The following SLC13A1 variants were observed in gnomAD, a reference collection of about 807,000 sequenced individuals.
The protein encoded by SLC13A1 is solute carrier family 13 member 1, also known as Na(+)/sulfate cotransporter.
In SLC13A1, 65 loss-of-function variants were observed where a neutral mutation model predicts 70.0. The ratio of observed to expected loss-of-function variants is 0.93; its 90% CI spans 0.76 to 1.14. SLC13A1 has a LOEUF of 1.14. Ranked by LOEUF, SLC13A1 falls within the 50% of genes most tolerant of loss-of-function variation. The pLI, the probability that SLC13A1 is intolerant of heterozygous loss-of-function variation, is 0.00. For synonymous variants in SLC13A1, 275 were observed against 250.5 expected (o/e 1.10, Z -0.92); for missense variants, 726 against 717.8 (o/e 1.01, Z -0.13).
intron 7 of SLC13A1, among the ~76,000 whole-genome samples, chr7:123,135,008 G>A (rs900494532): frequency 2.0e-5 from 3 of 152,148 alleles, no homozygotes; most frequent in Non-Finnish European, 4.4e-5. Context: ...CCATGTGAAA[G>A]TACTCTGATC....
chr7:123,149,178 C>G (rs145771981), intron 6 of SLC13A1, among the ~76,000 whole-genome samples: 1 of 152,076 alleles, frequency 6.6e-6, no homozygotes, highest in African/African-American at 2.4e-5. Flanking sequence ...TGTCAAAAAT[C>G]CCTTCTGGAG....
chr7:123,179,084 G>A (rs1290108212), intron 2 of SLC13A1, among the ~76,000 whole-genome samples: 1 of 152,072 alleles, frequency 6.6e-6, no homozygotes, highest in Non-Finnish European at 1.5e-5. Flanking sequence ...CAGATTTGAG[G>A]ATGGGAGTTG....
chr7:123,181,500 C>A (rs896824979), intron 1 of SLC13A1, among the ~76,000 whole-genome samples: 1 of 152,116 alleles, frequency 6.6e-6, no homozygotes, highest in Admixed American at 6.6e-5. Flanking sequence ...AGGATACCTG[C>A]CTTTTAAATG....
intron 10 of SLC13A1, among the ~76,000 whole-genome samples, chr7:123,127,864 T>C (rs1486834563): frequency 1.4e-5 from 2 of 141,392 alleles, no homozygotes; most frequent in African/African-American, 5.4e-5. Context: ...TTTTTTTTTT[T>C]TTGCTGGGGG....
At chr7:123,125,961 C>A (rs1585293352) in intron 10 of SLC13A1, among the ~76,000 whole-genome samples, 2 of 152,214 alleles carry the variant, frequency 1.3e-5, no homozygotes, top group Admixed American at 1.3e-4. Flanking sequence ...GGCAAATTTC[C>A]CTTTTAGATA....
chr7:123,128,984 T>C (rs764870403), intron 9 of SLC13A1, 38 bp from the exon 10 acceptor site: 2 of 1,378,430 alleles, frequency 1.5e-6, no homozygotes, highest in East Asian at 4.7e-5. Context: ...TCTTATTTTC[T>C]CAGTCGGGAC....
At chr7:123,121,424 A>C (rs1160594114) in intron 12 of SLC13A1, among the ~76,000 whole-genome samples, 1 of 152,104 alleles carries the variant, frequency 6.6e-6, no homozygotes, top group Admixed American at 6.6e-5. Flanking sequence ...GTACAAAGTC[A>C]GTTCCTCTCA....
chr7:123,169,461 G>T, intron 3 of SLC13A1, 126 bp from the exon 4 acceptor site: 5 of 827,726 alleles, frequency 6.0e-6, no homozygotes, highest in South Asian at 1.8e-5. Context: ...AACATGGAAG[G>T]TTAAGATTCT....
At chr7:123,184,763 A>G (rs1795747375) in intron 1 of SLC13A1, among the ~76,000 whole-genome samples, 1 of 151,972 alleles carries the variant, frequency 6.6e-6, no homozygotes, top group African/African-American at 2.4e-5. Flanking sequence ...GGCTATTGTG[A>G]CTAGTGCAGC....
intron 6 of SLC13A1, among the ~76,000 whole-genome samples, chr7:123,161,002 G>A (rs909440033): frequency 2.6e-5 from 4 of 151,810 alleles, no homozygotes; most frequent in African/African-American, 7.2e-5. Context: ...ATTAGTAAAA[G>A]AGCAAGAGCA....
chr7:123,113,956 C>G lies in SLC13A1; in HGVS notation c.*1562G>C, dbSNP rs1793087105. 1 of 151,652 alleles carries G rather than the reference C, an allele frequency of 6.6e-6. No individual in the cohort carries two copies. Among genetic ancestry groups the G allele is most frequent in the Non-Finnish European group, 1.5e-5 (1 of 67,926 alleles). The allele number at this position is 151,652 out of a possible 1,614,324, so 9.4% of individuals were successfully genotyped here. A position where few individuals can be genotyped will look rare whatever the true frequency, so the allele number is the denominator to read the frequency against. On this transcript the variant is annotated 3_prime_UTR_variant, in exon 15 of 15. Transcript: ENST00000194130. ...GTCAGTAACAGCTGGAAAGTGCCAA[C>G]GAAGATTAAAAATAGCAAAGGTTTG...
At position 123,148,570 on chromosome 7, in the gene SLC13A1, C is replaced by T. The variant is rs1271702241; in HGVS notation, c.661-1260G>A. 7.8e-6 allele frequency: 3 copies of T among 384,568 alleles called. No individual in the cohort carries two copies. In the Admixed American group the frequency reaches 1.1e-4, roughly 14 times the overall value. The allele number at this position is 384,568 out of a possible 1,614,324, so 23.8% of individuals were successfully genotyped here. A position where few individuals can be genotyped will look rare whatever the true frequency, so the allele number is the denominator to read the frequency against. ...ACCCTTTGTTGGTTTGATTCTTCCT[C>T]TTCCTGTGGCGAAATTCAAAGAAGA... On this transcript the variant is annotated intron_variant, in intron 6 of 14. Coordinates refer to ENST00000194130, the MANE Select transcript of SLC13A1 (RefSeq NM_022444.4).
chr7:123,129,344 GT>G (rs1793674498), intron 9 of SLC13A1, 38 bp downstream of exon 9: 2 of 752,336 alleles, frequency 2.7e-6, no homozygotes, highest in Non-Finnish European at 4.2e-6. Flanking sequence ...GTGTGTGTGT[GT>G]GTGTGTGTGT....
chr7:123,115,791 A>G (rs997588831), intron 14 of SLC13A1, 136 bp from the exon 15 acceptor site: 9 of 886,858 alleles, frequency 1.0e-5, no homozygotes, highest in Non-Finnish European at 1.5e-5. Context: ...TTTAAATTAT[A>G]CTTTAAGTTC....
At chr7:123,191,381 T>C (rs1795992299) in intron 1 of SLC13A1, among the ~76,000 whole-genome samples, 1 of 152,122 alleles carries the variant, frequency 6.6e-6, no homozygotes, top group Admixed American at 6.6e-5. Flanking sequence ...CTGACTCTGG[T>C]CCCTGAATGG....
intron 4 of SLC13A1, 151 bp from the exon 5 acceptor site, chr7:123,168,712 A>G: frequency 1.6e-6 from 1 of 615,138 alleles, no homozygotes; most frequent in Non-Finnish European, 2.8e-6. Context: ...TTTTATAAAT[A>G]CAAATATCCT....
chr7:123,117,645 T>C, intron 13 of SLC13A1, 37 bp from the exon 14 acceptor site: 1 of 1,484,202 alleles, frequency 6.7e-7, no homozygotes, highest in East Asian at 2.3e-5. Flanking sequence ...AAGTAAAATT[T>C]TGAGGGTAGA....
At chr7:123,195,194 C>T (rs150905398) in intron 1 of SLC13A1, among the ~76,000 whole-genome samples, 1 of 151,972 alleles carries the variant, frequency 6.6e-6, no homozygotes, top group Non-Finnish European at 1.5e-5. Flanking sequence ...CTGGTTTTGT[C>T]GAACTACCAC....
chr7:123,167,711 G>T (rs543244664), intron 6 of SLC13A1, among the ~76,000 whole-genome samples: 1 of 152,068 alleles, frequency 6.6e-6, no homozygotes, highest in East Asian at 1.9e-4. Flanking sequence ...TTAATATCTA[G>T]AATGGCTACA....
Sources: allele counts gnomAD v4.1 joint callset (sites outside exome capture counted in the v4.1 genomes callset), GRCh38; gene constraint gnomAD v4.1.1; transcripts MANE v1.5; gene names NCBI Gene and HGNC (gene_info 2026-07-23, HGNC 2026-07-21).